The following SLC38A9 variants were observed in gnomAD, a reference collection of about 807,000 sequenced individuals.
SLC38A9 encodes the protein neutral amino acid transporter 9.
SLC38A9 carries 48 observed loss-of-function variants against 62.3 expected under a neutral mutation model. The observed-to-expected ratio is 0.77, with a 90% confidence interval of 0.61 to 0.98. The LOEUF (loss-of-function observed/expected upper bound fraction) is 0.98, where lower values mean the gene tolerates loss of function less well. SLC38A9 is among the 50% of genes least tolerant of loss of function. SLC38A9 has a pLI of 0.00. For synonymous variants in SLC38A9, 204 were observed against 227.7 expected, an observed-to-expected ratio of 0.90 and a Z score of 0.94; for missense variants, 541 against 679.8, an observed-to-expected ratio of 0.80 and a Z score of 2.27.
chr5:55,652,377 A>AAAAAG, intron 10 of SLC38A9, 152 bp downstream of exon 10: 2 of 413,178 alleles, frequency 4.8e-6, no homozygotes, highest in Non-Finnish European at 4.1e-6. Context: ...AAAAAAAAAA[A>AAAAAG]GAAAGAAAGA....
At chr5:55,683,452 C>T (rs72760026) in intron 3 of SLC38A9, among the ~76,000 whole-genome samples, 127 of 152,218 alleles carry the variant, frequency 8.3e-4, no homozygotes, top group Non-Finnish European at 1.5e-3. Context: ...GCCATATTTT[C>T]GGAATAACTT....
chr5:55,628,656 G>A (rs188480292), intron 14 of SLC38A9, among the ~76,000 whole-genome samples: 57 of 152,206 alleles, frequency 3.7e-4, no homozygotes, highest in African/African-American at 1.3e-3. Context: ...AAAATGGGCA[G>A]GTTTTTATCT....
At chr5:55,685,897 T>C (rs1753727736) in intron 3 of SLC38A9, among the ~76,000 whole-genome samples, 1 of 152,188 alleles carries the variant, frequency 6.6e-6, no homozygotes, top group Non-Finnish European at 1.5e-5. Context: ...GGTTTTCTGT[T>C]CCTCTGTCAG....
chr5:55,686,133 T>TTA (rs1753784419), intron 3 of SLC38A9, among the ~76,000 whole-genome samples: 1 of 152,168 alleles, frequency 6.6e-6, no homozygotes, highest in Non-Finnish European at 1.5e-5. Flanking sequence ...TTCCTTTGGG[T>TTA]ATATACCCAG....
chr5:55,642,325 G>T (rs1316907017), intron 12 of SLC38A9, among the ~76,000 whole-genome samples: 5 of 152,218 alleles, frequency 3.3e-5, no homozygotes, highest in African/African-American at 9.6e-5. Flanking sequence ...GATTACAGGC[G>T]TGAGCCACCG....
intron 12 of SLC38A9, among the ~76,000 whole-genome samples, chr5:55,644,960 A>G (rs13155618): frequency 0.6 from 90,148 of 151,470 alleles, 27,499 homozygotes; most frequent in South Asian, 0.7. Flanking sequence ...GAGTGAGAAC[A>G]TGCGGTGTTT....
chr5:55,704,131 GCAGTCCAGCC>G (rs1366099525), intron 2 of SLC38A9: 1 of 152,202 alleles, frequency 6.6e-6, no homozygotes, highest in African/African-American at 2.4e-5. Context: ...TCACACCACT[GCAGTCCAGCC>G]TGGGCGGAAG....
intron 7 of SLC38A9, among the ~76,000 whole-genome samples, chr5:55,666,392 C>T (rs1467280221): frequency 2.6e-5 from 4 of 152,130 alleles, no homozygotes; most frequent in Non-Finnish European, 5.9e-5. Context: ...ATTTTACAGT[C>T]TTTTTTCCTC....
chr5:55,702,622 A>C (rs1056848724), intron 2 of SLC38A9: 2 of 152,068 alleles, frequency 1.3e-5, no homozygotes, highest in African/African-American at 4.8e-5. Context: ...ATCAAAAACC[A>C]AATGAAAATA....
chr5:55,652,618 G>A lies in SLC38A9; in HGVS notation c.863C>T (p.Ser288Phe). 1 of 1,613,810 alleles carries A rather than the reference G, an allele frequency of 6.2e-7. No individual in the cohort carries two copies. Among genetic ancestry groups the A allele is most frequent in the Non-Finnish European group, 8.5e-7 (1 of 1,179,864 alleles). ...TACAAGATAAAAGGGGACTGTCCTG[G>A]ACTTATCCCACCACTTTTCAAACTG... ...AQQFEKWWDK[S>F]RTVPFYLVGL... The change falls in exon 10 of 16, where the codon TCC (serine) becomes TTC (phenylalanine). Residue 288 changes from serine (S) to phenylalanine (F), a missense_variant. Transcript: ENST00000396865.
At chr5:55,664,466 T>C (rs1404049173) in intron 8 of SLC38A9, 1 of 240,446 alleles carries the variant, frequency 4.2e-6, no homozygotes, top group African/African-American at 2.2e-5. Context: ...ACTAAAGATT[T>C]TGGAGGAATA....
At chr5:55,644,997 T>G (rs1206507025) in intron 12 of SLC38A9, among the ~76,000 whole-genome samples, 6 of 152,152 alleles carry the variant, frequency 3.9e-5, no homozygotes, top group Non-Finnish European at 8.8e-5. Context: ...GATAGTTTAC[T>G]GAGAACGGTG....
intron 3 of SLC38A9, among the ~76,000 whole-genome samples, chr5:55,678,145 T>TTTTTG (rs1472039622): frequency 1.1e-4 from 16 of 146,872 alleles, no homozygotes; most frequent in African/African-American, 2.0e-4. Flanking sequence ...CTGGTTTTTT[T>TTTTTG]TTCTTTTTTT....
chr5:55,669,209 C>A lies in SLC38A9; in HGVS notation c.526+19G>T. ...CTTATTAATACCCATAATCTATTGTCACTGTGTCAAATTCTTACACATCAT... is the reference window on the plus strand; with the variant it reads ...CTTATTAATACCCATAATCTATTGTAACTGTGTCAAATTCTTACACATCAT... On this transcript the variant is annotated intron_variant, in intron 7 of 15. Coordinates refer to ENST00000396865, the MANE Select transcript of SLC38A9 (RefSeq NM_173514.4). 1.3e-6 allele frequency: 2 copies of A among 1,575,256 alleles called. No homozygotes were observed. The highest frequency in any genetic ancestry group is 2.2e-5 in the South Asian group (2 of 89,276).
intron 3 of SLC38A9, 105 bp downstream of exon 3, chr5:55,697,741 A>G: frequency 1.9e-6 from 1 of 534,500 alleles, no homozygotes; most frequent in Non-Finnish European, 3.2e-6. Flanking sequence ...TCCTGTAAGA[A>G]AGTGGATATT....
intron 7 of SLC38A9, among the ~76,000 whole-genome samples, chr5:55,668,377 T>G (rs1463835854): frequency 6.6e-6 from 1 of 152,178 alleles, no homozygotes; most frequent in Non-Finnish European, 1.5e-5. Flanking sequence ...ATGAATCTTC[T>G]CTCAAGACTT....
chr5:55,666,097 A>T (rs896903412), intron 7 of SLC38A9, among the ~76,000 whole-genome samples: 7 of 152,202 alleles, frequency 4.6e-5, no homozygotes, highest in Admixed American at 1.3e-4. Flanking sequence ...TCATTAAGAG[A>T]CACAAATGGT....
intron 2 of SLC38A9, among the ~76,000 whole-genome samples, chr5:55,702,448 G>A (rs187082880): frequency 2.7e-4 from 41 of 151,610 alleles, no homozygotes; most frequent in African/African-American, 8.7e-4. Context: ...TGGTAGAGAC[G>A]GAGTTTCACT....
chr5:55,649,285 G>A lies in SLC38A9; in HGVS notation c.982C>T (p.Leu328Phe), dbSNP rs1348489493. Reference sequence around the variant, plus strand: ...AAGCGAACAGCCTTAAAGGTGACAAGGAAAATCAAATAAAGGACAGACACT... The same window carrying A: ...AAGCGAACAGCCTTAAAGGTGACAAAGAAAATCAAATAAAGGACAGACACT... ...GTVSVLYLIF[L>F]VTFKAVRLGF... The change falls in exon 11 of 16, where the codon CTT becomes TTT. Residue 328 changes from leucine to phenylalanine, a missense_variant. By Grantham distance (22) the Leu-to-Phe change is conservative. Transcript: ENST00000396865. 6.2e-7 allele frequency: 1 copy of A among 1,606,932 alleles called. No individual in the cohort carries two copies. Among genetic ancestry groups the A allele is most frequent in the Non-Finnish European group, 8.5e-7 (1 of 1,177,110 alleles).
Sources: allele counts gnomAD v4.1 joint callset (sites outside exome capture counted in the v4.1 genomes callset), GRCh38; gene constraint gnomAD v4.1.1; transcripts MANE v1.5; gene names NCBI Gene and HGNC (gene_info 2026-07-23, HGNC 2026-07-21).